SLC25A46: variants seen among roughly 807,000 people sequenced by gnomAD.
SLC25A46 encodes the protein solute carrier family 25 member 46, also known as mitochondrial outer membrane protein SLC25A46.
Under a neutral mutation model 44.6 loss-of-function variants are expected in SLC25A46, and 39 were observed. The ratio of observed to expected loss-of-function variants is 0.87; its 90% confidence interval spans 0.68 to 1.14. The LOEUF is 1.14. Among genes scored for constraint, SLC25A46 ranks in the 50% most tolerant of loss-of-function variants. SLC25A46 has a pLI of 0.00. For missense variants in SLC25A46, 547 were observed against 522.7 expected (o/e 1.05, Z -0.45); for synonymous variants, 202 against 185.8 (o/e 1.09, Z -0.71).
upstream of SLC25A46, chr5:110,739,006 C>T: frequency 1.4e-6 from 2 of 1,470,360 alleles, no homozygotes; most frequent in Non-Finnish European, 1.8e-6. Flanking sequence ...TTCCGGTTGT[C>T]AGAATTTACC....
chr5:110,748,305 G>A, intron 5 of SLC25A46, 42 bp downstream of exon 5: 16 of 1,537,348 alleles, frequency 1.0e-5, no homozygotes, highest in Non-Finnish European at 1.4e-5. Context: ...TTCATGTGGT[G>A]ATGTGTTTTT....
chr5:110,748,504 G>C (rs1428395571), intron 5 of SLC25A46, among the ~76,000 whole-genome samples: 3 of 151,676 alleles, frequency 2.0e-5, no homozygotes, highest in African/African-American at 7.3e-5. Context: ...AAAATACCTT[G>C]AATCTGAAAA....
intron 4 of SLC25A46, among the ~76,000 whole-genome samples, chr5:110,747,575 T>C (rs1799851598): frequency 6.6e-6 from 1 of 152,080 alleles, no homozygotes; most frequent in Non-Finnish European, 1.5e-5. Context: ...GTATTACTGA[T>C]GGTATCATGC....
intron 1 of SLC25A46, chr5:110,741,834 ACT>A (rs1219869812): frequency 4.6e-6 from 2 of 435,456 alleles, no homozygotes; most frequent in Non-Finnish European, 8.2e-6. Context: ...TGCTTTAAAC[ACT>A]CTACACCTTG....
chr5:110,749,826 G>A (rs1377405989), intron 5 of SLC25A46, among the ~76,000 whole-genome samples: 1 of 152,046 alleles, frequency 6.6e-6, no homozygotes, highest in Admixed American at 6.6e-5. Flanking sequence ...CTTACAAAGA[G>A]TATATGAAAG....
chr5:110,763,596 A>C lies in SLC25A46; in HGVS notation c.*1814A>C, dbSNP rs1382119183. On this transcript the variant is annotated 3_prime_UTR_variant, in exon 8 of 8. Transcript: ENST00000355943. ...AACCAGAAAATTTCAAGTTTGAAAAATTTCTAGAAAAGAATCTGAATAGAA... is the reference window on the plus strand; with the variant it reads ...AACCAGAAAATTTCAAGTTTGAAAACTTTCTAGAAAAGAATCTGAATAGAA... The C allele has an allele frequency of 1.3e-5, 2 of 151,908 alleles. No individual in the cohort carries two copies. The highest frequency in any genetic ancestry group is 3.9e-4 in the East Asian group (2 of 5,180). 9.4% of individuals were successfully genotyped at this position (151,908 alleles called of 1,614,324 possible).
chr5:110,750,294 A>G (rs1375073152), intron 5 of SLC25A46, among the ~76,000 whole-genome samples: 1 of 151,418 alleles, frequency 6.6e-6, no homozygotes, highest in Admixed American at 6.6e-5. Context: ...TTGGCTAACT[A>G]TTCACTTTAT....
chr5:110,757,753 T>C (rs1478939290), intron 7 of SLC25A46, among the ~76,000 whole-genome samples: 1 of 152,128 alleles, frequency 6.6e-6, no homozygotes, highest in Admixed American at 6.6e-5. Context: ...GTCACTTGTA[T>C]GAGATAGCCT....
upstream of SLC25A46, chr5:110,738,982 GT>G: frequency 1.4e-6 from 2 of 1,456,806 alleles, no homozygotes; most frequent in Non-Finnish European, 1.8e-6. Context: ...AGACTTCCGG[GT>G]TTCCAACGTG....
chr5:110,755,246 T>C, intron 5 of SLC25A46: 1 of 345,154 alleles, frequency 2.9e-6, no homozygotes, highest in South Asian at 6.2e-5. Context: ...TGCCAGCCCC[T>C]TCTATCAGCA....
intron 4 of SLC25A46, 81 bp downstream of exon 4, chr5:110,746,427 C>G (rs913060871): frequency 1.8e-5 from 17 of 939,732 alleles, no homozygotes; most frequent in South Asian, 8.1e-5. Context: ...AGAATAATTA[C>G]TTTCAGTTTG....
intron 7 of SLC25A46, among the ~76,000 whole-genome samples, chr5:110,759,937 T>A (rs1800207098): frequency 6.6e-6 from 1 of 152,144 alleles, no homozygotes; most frequent in South Asian, 2.1e-4. Context: ...CCACTCACGA[T>A]GGGATTACAT....
rs79149180 is a variant in SLC25A46 at position 110,761,662 on chromosome 5, G to T, written c.1137G>T (p.Glu379Asp). The change falls in exon 8 of 8, where the codon GAG becomes GAT. Residue 379 changes from glutamate (E) to aspartate (D), a missense_variant. Transcript: ENST00000355943. The surrounding 1 kb of genome is among the most constrained non-coding windows in gnomAD (Gnocchi z 5.3). ...MRDCINTIRQ[E>D]EGVFGFYKGF... Reference sequence around the variant, plus strand: ...ACTGTATCAATACCATAAGGCAGGAGGAAGGAGTGTTTGGTTTTTATAAAG... The same window carrying T: ...ACTGTATCAATACCATAAGGCAGGATGAAGGAGTGTTTGGTTTTTATAAAG... The T allele has an allele frequency of 6.0e-3, 9,726 of 1,613,480 alleles. 508 individuals are homozygous for T. In the African/African-American group the frequency reaches 0.11, roughly 19 times the overall value.
chr5:110,761,760 C>T lies in SLC25A46; in HGVS notation c.1235C>T (p.Thr412Ile), dbSNP rs370308778. 2 of 1,610,070 alleles carry T rather than the reference C, an allele frequency of 1.2e-6. No homozygotes were observed. The highest frequency in any genetic ancestry group is 1.7e-6 in the Non-Finnish European group (2 of 1,178,450). ...VLQITKIIYS[T>I]LLQNNI is the part of the protein sequence containing the mutation. ...CAGATTACCAAAATTATTTACTCTA[C>T]ACTTCTTCAAAATAACATTTGAGAT... The change falls in exon 8 of 8, where the codon ACA (threonine) becomes ATA (isoleucine). Residue 412 changes from threonine to isoleucine, a missense_variant. Thr to Ile is a moderately conservative substitution (Grantham distance 89). Transcript: ENST00000355943. This position sits in a 1 kb window ranked among gnomAD's most constrained non-coding sequence, Gnocchi z 5.3.
intron 1 of SLC25A46, among the ~76,000 whole-genome samples, chr5:110,740,790 AAAAT>A (rs1272450748): frequency 6.6e-6 from 1 of 152,102 alleles, no homozygotes; most frequent in Non-Finnish European, 1.5e-5. Context: ...TCTCCACTAA[AAAAT>A]AGAAAAAATT....
intron 3 of SLC25A46, chr5:110,745,627 C>G (rs1266206556): frequency 1.3e-5 from 2 of 152,064 alleles, no homozygotes; most frequent in South Asian, 2.1e-4. Flanking sequence ...CAGTATAAAT[C>G]ATTATAAATT....
At chr5:110,755,230 C>G (rs1800076932) in intron 5 of SLC25A46, 1 of 313,580 alleles carries the variant, frequency 3.2e-6, no homozygotes, top group African/African-American at 2.2e-5. Context: ...GTGCCTCTTG[C>G]TTCTCTGCCA....
chr5:110,759,037 G>A (rs1800182051), intron 7 of SLC25A46, among the ~76,000 whole-genome samples: 1 of 152,094 alleles, frequency 6.6e-6, no homozygotes, highest in African/African-American at 2.4e-5. Context: ...TAAAAAAAAT[G>A]TATCAATTGT....
At chr5:110,748,313 T>C (rs943996988) in intron 5 of SLC25A46, 50 bp downstream of exon 5, 8 of 1,465,854 alleles carry the variant, frequency 5.5e-6, no homozygotes, top group African/African-American at 1.4e-5. Flanking sequence ...GTGATGTGTT[T>C]TTAGATGCAG....
Sources: allele counts gnomAD v4.1 joint callset (sites outside exome capture counted in the v4.1 genomes callset), GRCh38; gene constraint gnomAD v4.1.1; non-coding constraint Gnocchi (gnomAD v3.1); transcripts MANE v1.5; gene names NCBI Gene and HGNC (gene_info 2026-07-23, HGNC 2026-07-21).